PRKG1: variants seen among roughly 807,000 people sequenced by gnomAD.
PRKG1 encodes protein kinase cGMP-dependent 1.
Under a neutral mutation model 88.1 loss-of-function variants are expected in PRKG1, and 35 were observed. That is an observed-to-expected ratio of 0.40 (90% CI 0.30 to 0.53). PRKG1 has a LOEUF of 0.53. Among genes scored for constraint, PRKG1 ranks in the 20% least tolerant of loss-of-function variants. The pLI, the probability that PRKG1 is intolerant of heterozygous loss-of-function variation, is 0.59. For synonymous variants in PRKG1, 303 were observed against 292.5 expected, an observed-to-expected ratio of 1.04 and a Z score of -0.37; for missense variants, 540 against 839.8, an observed-to-expected ratio of 0.64 and a Z score of 4.41.
intron 2 of PRKG1, among the ~76,000 whole-genome samples, chr10:51,334,178 C>CAA (rs1841813488): frequency 6.6e-6 from 1 of 151,374 alleles, no homozygotes; most frequent in Admixed American, 6.6e-5. Context: ...CTCTCTCTCT[C>CAA]TCTCTCTCTC....
chr10:51,591,321 T>A (rs1286802257), intron 3 of PRKG1, among the ~76,000 whole-genome samples: 3 of 152,232 alleles, frequency 2.0e-5, no homozygotes, highest in Non-Finnish European at 4.4e-5. Flanking sequence ...ATTCATGGGA[T>A]ACTTCTACAT....
At chr10:51,151,680 A>T (rs1846076574) in intron 1 of PRKG1, among the ~76,000 whole-genome samples, 2 of 151,584 alleles carry the variant, frequency 1.3e-5, no homozygotes, top group Non-Finnish European at 2.9e-5. Flanking sequence ...TGCCATTAAC[A>T]CTCCTCATAA....
chr10:51,166,191 A>C (rs1453715396), intron 2 of PRKG1, among the ~76,000 whole-genome samples: 6 of 151,922 alleles, frequency 3.9e-5, no homozygotes, highest in Admixed American at 3.9e-4. Flanking sequence ...ATGACGGTAC[A>C]TGCCCTCAAT....
intron 17 of PRKG1, 78 bp from the exon 18 acceptor site, chr10:52,293,724 A>G: frequency 8.7e-7 from 1 of 1,155,100 alleles, no homozygotes; most frequent in Non-Finnish European, 1.3e-6. Context: ...GGGAATAAAT[A>G]CAGAATGCAC....
intron 4 of PRKG1, among the ~76,000 whole-genome samples, chr10:51,861,584 C>T (rs1840873784): frequency 1.3e-5 from 2 of 152,064 alleles, no homozygotes; most frequent in Admixed American, 1.3e-4. Context: ...CAGATCCATG[C>T]CTTACAGCAG....
chr10:52,061,075 G>T (rs963805142), intron 6 of PRKG1, among the ~76,000 whole-genome samples: 1 of 151,960 alleles, frequency 6.6e-6, no homozygotes, highest in Non-Finnish European at 1.5e-5. Context: ...CCCTACTGAA[G>T]TTTCTGCATC....
At chr10:51,001,228 T>G (rs1239535460) in intron 1 of PRKG1, among the ~76,000 whole-genome samples, 1 of 152,220 alleles carries the variant, frequency 6.6e-6, no homozygotes, top group African/African-American at 2.4e-5. Context: ...CTGGGTTCCC[T>G]GGGGAGCTCT....
At chr10:52,048,148 G>A (rs1845907463) in intron 5 of PRKG1, among the ~76,000 whole-genome samples, 1 of 151,908 alleles carries the variant, frequency 6.6e-6, no homozygotes, top group South Asian at 2.1e-4. Flanking sequence ...CTGATCATTA[G>A]AAAAATGTCA....
chr10:52,092,700 GA>G (rs1437253948), intron 7 of PRKG1, among the ~76,000 whole-genome samples: 4 of 152,106 alleles, frequency 2.6e-5, no homozygotes, highest in African/African-American at 9.7e-5. Flanking sequence ...ATTTAAATAT[GA>G]AAATATTCTT....
intron 4 of PRKG1, among the ~76,000 whole-genome samples, chr10:51,884,742 G>C (rs569651884): frequency 6.6e-6 from 1 of 152,204 alleles, no homozygotes; most frequent in African/African-American, 2.4e-5. Flanking sequence ...ATTCTTTTCA[G>C]CTTGGTGGTT....
At chr10:51,951,654 G>T (rs979257292) in intron 5 of PRKG1, among the ~76,000 whole-genome samples, 1 of 150,658 alleles carries the variant, frequency 6.6e-6, no homozygotes, top group Non-Finnish European at 1.5e-5. Flanking sequence ...ATAGTTTCCA[G>T]ACATTGGGAT....
At chr10:51,676,326 G>C (rs1840709644) in intron 3 of PRKG1, among the ~76,000 whole-genome samples, 1 of 152,030 alleles carries the variant, frequency 6.6e-6, no homozygotes, top group Non-Finnish European at 1.5e-5. Context: ...CATCCTCACA[G>C]AAAGTTCTGC....
chr10:51,941,782 C>T (rs1353125271), intron 5 of PRKG1, among the ~76,000 whole-genome samples: 2 of 151,836 alleles, frequency 1.3e-5, no homozygotes, highest in African/African-American at 2.4e-5. Flanking sequence ...AGGACATGAA[C>T]TCATCCTTTT....
At chr10:51,886,616 A>G (rs1216318618) in intron 4 of PRKG1, among the ~76,000 whole-genome samples, 1 of 152,206 alleles carries the variant, frequency 6.6e-6, no homozygotes, top group African/African-American at 2.4e-5. Flanking sequence ...TAGATGACTC[A>G]TATAAGTGGA....
At chr10:52,205,318 A>C (rs955526535) in intron 9 of PRKG1, among the ~76,000 whole-genome samples, 1 of 151,934 alleles carries the variant, frequency 6.6e-6, no homozygotes, top group Admixed American at 6.5e-5. Flanking sequence ...GCTAATAAAA[A>C]CTTGCTGGTT....
intron 1 of PRKG1, among the ~76,000 whole-genome samples, chr10:50,998,529 C>T (rs1842857322): frequency 6.6e-6 from 1 of 152,190 alleles, no homozygotes; most frequent in Admixed American, 6.5e-5. Context: ...GGGCAGATCA[C>T]TTTAGGTCAG....
intron 1 of PRKG1, among the ~76,000 whole-genome samples, chr10:51,081,589 A>G (rs1403986990): frequency 6.6e-6 from 1 of 152,242 alleles, no homozygotes; most frequent in African/African-American, 2.4e-5. Flanking sequence ...CCAACAGTGC[A>G]GAGGACAAGA....
intron 3 of PRKG1, among the ~76,000 whole-genome samples, chr10:51,545,834 T>A (rs556409118): frequency 1.3e-5 from 2 of 152,140 alleles, no homozygotes; most frequent in Admixed American, 6.6e-5. Context: ...TCATAATGAT[T>A]TTTGACCTCC....
chr10:51,475,392 T>C (rs1840161698), intron 3 of PRKG1, among the ~76,000 whole-genome samples: 2 of 151,976 alleles, frequency 1.3e-5, no homozygotes, highest in African/African-American at 4.8e-5. Context: ...TATCCGTGTG[T>C]AACAAGGCCT....
Sources: gnomAD v4.1 joint callset for allele counts (sites outside exome capture counted in the v4.1 genomes callset) on GRCh38, gnomAD v4.1.1 for gene constraint, MANE v1.5 for transcripts, NCBI Gene and HGNC (gene_info 2026-07-23, HGNC 2026-07-21) for gene names.